The following SYNE1 variants were observed in gnomAD, a reference collection of about 807,000 sequenced individuals.
The protein encoded by SYNE1 is spectrin repeat containing nuclear envelope protein 1.
Under a neutral mutation model 1,111.0 loss-of-function variants are expected in SYNE1, and 616 were observed. That is an observed-to-expected ratio of 0.55 (90% CI 0.52 to 0.59). The LOEUF is 0.59. Among genes scored for constraint, SYNE1 ranks in the 20% least tolerant of loss-of-function variants. SYNE1 has a pLI of 0.00. For synonymous variants in SYNE1, 3,855 were observed against 3,825.8 expected (o/e 1.01, Z -0.28); for missense variants, 10,006 against 10,417.0 (o/e 0.96, Z 1.72).
intron 103 of SYNE1, 90 bp downstream of exon 103, chr6:152,255,501 A>C (rs897997670): frequency 3.5e-6 from 5 of 1,411,562 alleles, no homozygotes; most frequent in Admixed American, 1.7e-5. Context: ...TTTATGTTTG[A>C]CTTTCTTTAT....
Position 152,359,404 on chromosome 6 carries a change from T to C in SYNE1, c.10354A>G (p.Lys3452Glu), listed in dbSNP as rs769218891. The C allele has an allele frequency of 6.2e-7, 1 of 1,614,218 alleles. No homozygotes were observed. Among genetic ancestry groups the C allele is most frequent in the Non-Finnish European group, 8.5e-7 (1 of 1,180,038 alleles). Residue 3452 changes from lysine to glutamate, a missense_variant, in exon 65 of 146, where the codon AAA becomes GAA. Coordinates refer to ENST00000367255, the MANE Select transcript of SYNE1 (RefSeq NM_182961.4). ...TAGTGTTCTGTCATGCCAGCCCCTT[T>C]GACTTCGATGGTCTCCAGCAAGCTG... ...YSSLLETIEV[K>E]GAGMTEHYVT...
chr6:152,488,798 A>T (rs2154300987), intron 11 of SYNE1, among the ~76,000 whole-genome samples: 1 of 152,184 alleles, frequency 6.6e-6, no homozygotes, highest in East Asian at 1.9e-4. Flanking sequence ...TAAGTACACA[A>T]ATAATAAGAG....
At chr6:152,417,058 A>C (rs748350249) in intron 40 of SYNE1, 43 bp from the exon 41 acceptor site, 21 of 1,609,934 alleles carry the variant, frequency 1.3e-5, no homozygotes, top group African/African-American at 1.3e-5. Flanking sequence ...GATACACTAC[A>C]GTCTATGGCA....
At position 152,407,148 on chromosome 6, in the gene SYNE1, A is replaced by G. The variant is rs1554641394; in HGVS notation, c.6589T>C (p.Ser2197Pro). ...GTTGACAGTACATCATCCCAAATGG[A>G]CAGGCTTACTCTCAGCCTATCCATG... is the stretch of plus-strand genomic sequence containing the variant. ...ENMDRLRVSLSIWDDVLSTRD... is the reference protein window; with the variant it reads ...ENMDRLRVSLPIWDDVLSTRD... Residue 2197 changes from serine (S) to proline (P), a missense_variant, in exon 45 of 146, where the codon TCC becomes CCC. This residue lies in a region of SYNE1 where 4,955 missense variants were observed against 5,017.2 expected (regional missense o/e 0.99). Transcript: ENST00000367255. 2.5e-6 allele frequency: 4 copies of G among 1,614,096 alleles called. No homozygotes were observed. The highest frequency in any genetic ancestry group is 1.7e-5 in the Admixed American group (1 of 60,028).
intron 70 of SYNE1, among the ~76,000 whole-genome samples, chr6:152,351,522 C>T (rs1206050746): frequency 1.3e-5 from 2 of 152,210 alleles, no homozygotes; most frequent in East Asian, 1.9e-4. Flanking sequence ...ATAGCTATAG[C>T]CACATCACTA....
At chr6:152,398,283 T>C (rs1015590919) in intron 49 of SYNE1, among the ~76,000 whole-genome samples, 7 of 152,284 alleles carry the variant, frequency 4.6e-5, no homozygotes, top group African/African-American at 1.7e-4. Flanking sequence ...CTTCTTCTTT[T>C]TAAAACTCCT....
chr6:152,549,917 A>G (rs1485721812), intron 3 of SYNE1, among the ~76,000 whole-genome samples: 1 of 152,180 alleles, frequency 6.6e-6, no homozygotes, highest in Non-Finnish European at 1.5e-5. Context: ...GTATCATTTC[A>G]CTTTAAATCT....
chr6:152,319,847 A>C (rs1563034860), intron 84 of SYNE1: 1 of 152,178 alleles, frequency 6.6e-6, no homozygotes, highest in East Asian at 1.9e-4. Flanking sequence ...TTTAACTAAA[A>C]AAACAAACAA....
At chr6:152,127,697 A>C (rs763622227) in intron 145 of SYNE1, 2 of 152,172 alleles carry the variant, frequency 1.3e-5, no homozygotes, top group Non-Finnish European at 2.9e-5. Context: ...AATCTGCCTT[A>C]GAGGGGAGAG....
intron 3 of SYNE1, among the ~76,000 whole-genome samples, chr6:152,555,750 T>C (rs2128180170): frequency 6.6e-6 from 1 of 152,282 alleles, no homozygotes; most frequent in Admixed American, 6.5e-5. Flanking sequence ...TTTTTACATA[T>C]AAACAAACAT....
intron 104 of SYNE1, among the ~76,000 whole-genome samples, chr6:152,253,591 T>A (rs1178755890): frequency 6.6e-6 from 1 of 152,146 alleles, no homozygotes; most frequent in Admixed American, 6.5e-5. Context: ...TTTTTACTGT[T>A]CTGACTTTGC....
intron 14 of SYNE1, chr6:152,480,687 A>G (rs1434081097): frequency 2.2e-6 from 1 of 448,354 alleles, no homozygotes; most frequent in Non-Finnish European, 4.5e-6. Flanking sequence ...TTCCTACCTC[A>G]ATGAAAAGAT....
intron 142 of SYNE1, 167 bp from the exon 143 acceptor site, chr6:152,133,655 C>T (rs1045455741): frequency 9.0e-6 from 6 of 669,168 alleles, no homozygotes; most frequent in Middle Eastern, 4.1e-4. Context: ...GAGTTCTAAT[C>T]CTGCCTCTGC....
chr6:152,623,297 A>G (rs2099679469), intron 3 of SYNE1, among the ~76,000 whole-genome samples: 1 of 152,156 alleles, frequency 6.6e-6, no homozygotes, highest in South Asian at 2.1e-4. Context: ...GGCTAGCCAC[A>G]TGCAGAAGAC....
chr6:152,284,343 A>G (rs1261130051), intron 95 of SYNE1, among the ~76,000 whole-genome samples, 171 bp from the exon 96 acceptor site: 1 of 152,252 alleles, frequency 6.6e-6, no homozygotes, highest in Non-Finnish European at 1.5e-5. Flanking sequence ...ATGAAAGGCC[A>G]GGACTTTTCT....
intron 58 of SYNE1, chr6:152,376,152 T>C: frequency 1.9e-6 from 1 of 522,482 alleles, no homozygotes. Flanking sequence ...CAGTTCACAA[T>C]GGGGTTCAGG....
At chr6:152,199,005 A>G (rs1384468358) in intron 127 of SYNE1, among the ~76,000 whole-genome samples, 1 of 150,930 alleles carries the variant, frequency 6.6e-6, no homozygotes, top group Non-Finnish European at 1.5e-5. Flanking sequence ...AAAAAAACCA[A>G]AAAACAAAAA....
chr6:152,217,571 G>A (rs543277429), intron 121 of SYNE1, among the ~76,000 whole-genome samples: 1 of 152,100 alleles, frequency 6.6e-6, no homozygotes. Flanking sequence ...CAGGAGGAGG[G>A]GAGGTTGGGT....
chr6:152,145,321 G>T, intron 137 of SYNE1: 1 of 690,506 alleles, frequency 1.4e-6, no homozygotes, highest in Non-Finnish European at 2.6e-6. Context: ...TCTTATTCTT[G>T]GTGTGGATTT....
Sources: gnomAD v4.1 joint callset for allele counts (sites outside exome capture counted in the v4.1 genomes callset) on GRCh38, gnomAD v4.1.1 for gene constraint, gnomAD v4.1.1 regional missense constraint, MANE v1.5 for transcripts, NCBI Gene and HGNC (gene_info 2026-07-23, HGNC 2026-07-21) for gene names.